Variants in BEGAIN observed in about 807,000 individuals in gnomAD.
BEGAIN encodes the protein brain-enriched guanylate kinase-associated protein.
BEGAIN carries 19 observed loss-of-function variants against 35.8 expected under a neutral mutation model. The observed-to-expected ratio is 0.53, with a 90% CI of 0.37 to 0.78. BEGAIN has a LOEUF of 0.78. Among genes scored for constraint, BEGAIN ranks in the 30% least tolerant of loss-of-function variants. The pLI is 0.00. For synonymous variants in BEGAIN, 462 were observed against 388.6 expected, an observed-to-expected ratio of 1.19 and a Z score of -2.22; for missense variants, 795 against 853.6, an observed-to-expected ratio of 0.93 and a Z score of 0.85.
chr14:100,583,907 C>T (rs2035379515), intron 1 of BEGAIN, among the ~76,000 whole-genome samples: 1 of 152,104 alleles, frequency 6.6e-6, no homozygotes, highest in Admixed American at 6.5e-5. Context: ...CCATATTGGT[C>T]AGGCTGGTCT....
chr14:100,537,883 C>G lies in BEGAIN; in HGVS notation c.*86G>C, dbSNP rs2030795387. The G allele has an allele frequency of 6.8e-7, 1 of 1,470,412 alleles. No individual in the cohort carries two copies. Among genetic ancestry groups the G allele is most frequent in the African/African-American group, 1.5e-5 (1 of 68,564 alleles). 91.1% of individuals were successfully genotyped at this position (1,470,412 alleles called of 1,614,324 possible). Reference sequence around the variant, plus strand: ...GTTGTTGGCCGGGGCAGGGGAACAGCGGGGGCTGGGGAGAGGTGAGGCCGG... The same window carrying G: ...GTTGTTGGCCGGGGCAGGGGAACAGGGGGGGCTGGGGAGAGGTGAGGCCGG... On this transcript the variant is annotated 3_prime_UTR_variant, in exon 7 of 7. Transcript: ENST00000554140.
intron 1 of BEGAIN, among the ~76,000 whole-genome samples, chr14:100,576,475 G>A (rs1375668877): frequency 2.0e-5 from 3 of 152,198 alleles, no homozygotes; most frequent in Admixed American, 1.3e-4. Flanking sequence ...GAGAGTCACC[G>A]TGCTCACCCG....
chr14:100,542,735 C>A (rs2031811619), intron 5 of BEGAIN, among the ~76,000 whole-genome samples: 1 of 152,244 alleles, frequency 6.6e-6, no homozygotes, highest in Non-Finnish European at 1.5e-5. Context: ...CCACCGTCAT[C>A]TGAGCCACCA....
chr14:100,543,460 G>C (rs1205412952), intron 5 of BEGAIN, among the ~76,000 whole-genome samples: 2 of 152,200 alleles, frequency 1.3e-5, no homozygotes, highest in African/African-American at 4.8e-5. Flanking sequence ...TAGGCCCCAT[G>C]GGCAGCCACA....
rs1235997187 is a variant in BEGAIN, at chr14:100,573,707, C to T, written c.43-5768G>A. 6.6e-6 allele frequency among the ~76,000 whole-genome samples: 1 copy of T among 152,110 alleles called. No individual in the cohort carries two copies. Among genetic ancestry groups the T allele is most frequent in the African/African-American group, 2.4e-5 (1 of 41,428 alleles). ...CATGGGGAATTCAGGGCTGGTGGTG[C>T]CCCTTGGCCATCCCAGGGGAGACAC... On this transcript the variant is annotated intron_variant, in intron 1 of 6. Transcript: ENST00000554140. This position sits in a 1 kb window ranked among gnomAD's most constrained non-coding sequence, Gnocchi z 4.2.
intron 2 of BEGAIN, among the ~76,000 whole-genome samples, chr14:100,562,323 T>A (rs1337659496): frequency 6.6e-6 from 1 of 152,072 alleles, no homozygotes; most frequent in Non-Finnish European, 1.5e-5. Flanking sequence ...CCACCCTCAA[T>A]GAGCACCTAC....
rs1184452678 is a variant in BEGAIN at position 100,587,314 on chromosome 14, C to CACCGCCGCCGCCGCT, written c.-39_-25dup. The stretch of plus-strand genomic sequence containing the variant: ...ATGGCCCCAGGGCAGCCGCGCCGCT[C>CACCGCCGCCGCCGCT]ACCGCCGCCGCCGCTACCGCCGCCC... On this transcript the variant is annotated 5_prime_UTR_variant, in exon 1 of 7. Transcript: ENST00000554140. 6.6e-6 allele frequency: 1 copy of CACCGCCGCCGCCGCT among 151,476 alleles called. No homozygotes were observed. 9.4% of individuals were successfully genotyped at this position (151,476 alleles called of 1,614,324 possible). A position where few individuals can be genotyped will look rare whatever the true frequency, so the allele number is the denominator to read the frequency against.
chr14:100,540,211 G>A (rs2031382600), intron 6 of BEGAIN: 1 of 471,920 alleles, frequency 2.1e-6, no homozygotes, highest in Non-Finnish European at 3.8e-6. Context: ...CTCAGTGGAA[G>A]CAAGGACCTG....
At position 100,568,802 on chromosome 14, in the gene BEGAIN, C is replaced by G. The variant is rs1350343518; in HGVS notation, c.43-863G>C. Reference sequence around the variant, plus strand: ...GGCGCCGGGCGGGCTCTCTATCACCCGGGAGAGGCCGCTCCCCGGGGCTTT... The same window carrying G: ...GGCGCCGGGCGGGCTCTCTATCACCGGGGAGAGGCCGCTCCCCGGGGCTTT... On this transcript the variant is annotated intron_variant, in intron 1 of 6. Transcript: ENST00000554140. This position sits in a 1 kb window ranked among gnomAD's most constrained non-coding sequence, Gnocchi z 7.5. 1 of 941,992 alleles carries G rather than the reference C, an allele frequency of 1.1e-6. No individual in the cohort carries two copies. Among genetic ancestry groups the G allele is most frequent in the Non-Finnish European group, 1.3e-6 (1 of 790,002 alleles). 58.4% of individuals were successfully genotyped at this position (941,992 alleles called of 1,614,324 possible).
chr14:100,561,674 C>T (rs2139658197), intron 2 of BEGAIN, among the ~76,000 whole-genome samples: 1 of 152,126 alleles, frequency 6.6e-6, no homozygotes, highest in East Asian at 1.9e-4. Context: ...ATTGCTTGAG[C>T]CCTGGACTGC....
rs1195885499 is a variant in BEGAIN, at chr14:100,567,685, C to A, written c.71+226G>T. Among the ~76,000 whole-genome samples the A allele has an allele frequency of 6.6e-6, 1 of 151,518 alleles. No individual in the cohort carries two copies. Among genetic ancestry groups the A allele is most frequent in the African/African-American group, 2.4e-5 (1 of 41,364 alleles). On this transcript the variant is annotated intron_variant, in intron 2 of 6. Coordinates refer to ENST00000554140, the MANE Select transcript of BEGAIN (RefSeq NM_001385089.1). This position sits in a 1 kb window ranked among gnomAD's most constrained non-coding sequence, Gnocchi z 5.1. Reference sequence around the variant, plus strand: ...CCCTCAGTGGCGCTAGCCCCAGCCCCCGCCGCAGCGGCCCGGGCCGGCGGA... The same window carrying A: ...CCCTCAGTGGCGCTAGCCCCAGCCCACGCCGCAGCGGCCCGGGCCGGCGGA...
intron 6 of BEGAIN, chr14:100,540,251 A>T: frequency 1.9e-6 from 1 of 539,388 alleles, no homozygotes; most frequent in Non-Finnish European, 3.3e-6. Context: ...ACCGAGGGCA[A>T]CCAGCAGCCG....
At chr14:100,571,850 T>C (rs1170385686) in intron 1 of BEGAIN, among the ~76,000 whole-genome samples, 1 of 152,210 alleles carries the variant, frequency 6.6e-6, no homozygotes, top group East Asian at 1.9e-4. Flanking sequence ...TCCTTGCACC[T>C]GGAATGTTCT....
chr14:100,553,345 G>A lies in BEGAIN; in HGVS notation c.72-6683C>T, dbSNP rs556249644. Among the ~76,000 whole-genome samples the A allele has an allele frequency of 4.6e-5, 7 of 152,224 alleles. No homozygotes were observed. In the East Asian group the frequency reaches 5.8e-4, roughly 13 times the overall value. On this transcript the variant is annotated intron_variant, in intron 2 of 6. Coordinates refer to ENST00000554140, the MANE Select transcript of BEGAIN (RefSeq NM_001385089.1). The stretch of plus-strand genomic sequence containing the variant: ...AAAAGCCTGTGGCCACCTGTGGGAC[G>A]CTGTGACTGCTCCCACCCCATTCCA...
rs1264546115 is a variant in BEGAIN, at chr14:100,546,774, GCGCGCGCACACA to G, written c.72-124_72-113del. Reference sequence around the variant, plus strand: ...AACACGCGAGTACCGGCGCGCGCGCGCGCGCGCACACACACACACACACACACACACACACAC... The same window carrying G: ...AACACGCGAGTACCGGCGCGCGCGCGCACACACACACACACACACACACAC... On this transcript the variant is annotated intron_variant, in intron 2 of 6. Coordinates refer to ENST00000554140, the MANE Select transcript of BEGAIN (RefSeq NM_001385089.1). 147 of 756,584 alleles carry G rather than the reference GCGCGCGCACACA, an allele frequency of 1.9e-4. 1 individual carries two copies. The African/African-American group carries it at 3.5e-3, about 18-fold the overall frequency. The allele number at this position is 756,584 out of a possible 1,614,324, so 46.9% of individuals were successfully genotyped here. A position where few individuals can be genotyped will look rare whatever the true frequency, so the allele number is the denominator to read the frequency against.
chr14:100,550,517 C>T (rs765747321), intron 2 of BEGAIN: 4 of 398,860 alleles, frequency 1.0e-5, no homozygotes, highest in Non-Finnish European at 1.8e-5. Context: ...AGCCTGTGGG[C>T]AAAGAGGACA....
At position 100,568,153 on chromosome 14, in the gene BEGAIN, C is replaced by T. The variant is rs1219780528; in HGVS notation, c.43-214G>A. The stretch of plus-strand genomic sequence containing the variant: ...CGCGGCCGAGTAACAGGTGAGCCCG[C>T]CCGGGCCGCCGCGCTCCCCGCACCG... On this transcript the variant is annotated intron_variant, in intron 1 of 6. Coordinates refer to ENST00000554140, the MANE Select transcript of BEGAIN (RefSeq NM_001385089.1). The surrounding 1 kb of genome is among the most constrained non-coding windows in gnomAD (Gnocchi z 7.5). The T allele has an allele frequency of 4.2e-6, 4 of 942,250 alleles. No homozygotes were observed. The highest frequency in any genetic ancestry group is 5.1e-6 in the Non-Finnish European group (4 of 786,058). The allele number at this position is 942,250 out of a possible 1,614,324, so 58.4% of individuals were successfully genotyped here.
At chr14:100,556,080 G>A (rs1377199208) in intron 2 of BEGAIN, among the ~76,000 whole-genome samples, 1 of 152,164 alleles carries the variant, frequency 6.6e-6, no homozygotes, top group Non-Finnish European at 1.5e-5. Context: ...GGGGTGGCCT[G>A]GAGAGGAGTG....
chr14:100,561,731 T>C (rs1449421939), intron 2 of BEGAIN, among the ~76,000 whole-genome samples: 1 of 151,158 alleles, frequency 6.6e-6, no homozygotes, highest in Non-Finnish European at 1.5e-5. Context: ...AAAAAAAAAT[T>C]TGCTGAAGGC....
Sources: allele counts gnomAD v4.1 joint callset (sites outside exome capture counted in the v4.1 genomes callset), GRCh38; gene constraint gnomAD v4.1.1; non-coding constraint Gnocchi (gnomAD v3.1); transcripts MANE v1.5; gene names NCBI Gene and HGNC (gene_info 2026-07-23, HGNC 2026-07-21).